TBXAS1: variants seen among roughly 807,000 people sequenced by gnomAD.
TBXAS1 encodes the protein thromboxane-A synthase.
Under a neutral mutation model 60.7 loss-of-function variants are expected in TBXAS1, and 48 were observed. The observed-to-expected ratio is 0.79, with a 90% CI of 0.63 to 1.01. The LOEUF (loss-of-function observed/expected upper bound fraction) is 1.01. Among genes scored for constraint, TBXAS1 ranks in the 50% least tolerant of loss-of-function variants. The pLI is 0.00. For missense variants in TBXAS1, 685 were observed against 686.3 expected, an observed-to-expected ratio of 1.00 and a Z score of 0.02; for synonymous variants, 287 against 269.7, an observed-to-expected ratio of 1.06 and a Z score of -0.63.
chr7:139,829,614 T>C, intron 1 of TBXAS1, 135 bp downstream of exon 1: 2 of 816,708 alleles, frequency 2.4e-6, no homozygotes, highest in Non-Finnish European at 4.0e-6. Flanking sequence ...TTAACACAGC[T>C]TCAGAATTAA....
rs145191347 is a variant in TBXAS1, at chr7:139,832,244, A to C, written c.89+2765A>C. On this transcript the variant is annotated intron_variant, in intron 1 of 12. Coordinates refer to ENST00000448866, the MANE Select transcript of TBXAS1 (RefSeq NM_001061.7). Reference sequence around the variant, plus strand: ...CCAATTTGAGTGGGAGAAATATTCAATGAAATAGATAGCTTAAAGAAAAAA... The same window carrying C: ...CCAATTTGAGTGGGAGAAATATTCACTGAAATAGATAGCTTAAAGAAAAAA... Among the ~76,000 whole-genome samples, 1,025 of 152,318 alleles carry C rather than the reference A, an allele frequency of 6.7e-3. 13 individuals carry two copies. The highest frequency in any genetic ancestry group is 0.024 in the African/African-American group (1,000 of 41,566).
intron 4 of TBXAS1, among the ~76,000 whole-genome samples, chr7:139,911,702 G>A (rs189265608): frequency 9.7e-4 from 148 of 152,324 alleles, no homozygotes; most frequent in Admixed American, 2.2e-3. Flanking sequence ...TGAGGTTCTT[G>A]CACTTACATC....
chr7:139,900,961 G>C (rs866697198), intron 3 of TBXAS1, among the ~76,000 whole-genome samples: 29 of 152,286 alleles, frequency 1.9e-4, no homozygotes, highest in Middle Eastern at 6.8e-3. Flanking sequence ...ATGCCTGGGT[G>C]GTGAGCCCAC....
intron 9 of TBXAS1, among the ~76,000 whole-genome samples, chr7:139,986,797 G>A (rs920490782): frequency 0.061 from 2,434 of 39,928 alleles, 29 homozygotes; most frequent in Non-Finnish European, 0.075. Context: ...GTGTGTGTGT[G>A]TGTATATATA....
At chr7:139,823,794 C>T (rs192674387) in intron 4 of TBXAS1, among the ~76,000 whole-genome samples, 58 of 152,286 alleles carry the variant, frequency 3.8e-4, no homozygotes, top group South Asian at 6.2e-4. Flanking sequence ...CTCTGAGCTC[C>T]GGTTTTATCA....
intron 9 of TBXAS1, among the ~76,000 whole-genome samples, chr7:139,988,388 A>G (rs561849541): frequency 1.1e-3 from 169 of 152,136 alleles, no homozygotes; most frequent in African/African-American, 4.0e-3. Context: ...CTGACCACAG[A>G]CTCACAGTCA....
intron 1 of TBXAS1, among the ~76,000 whole-genome samples, chr7:139,859,958 G>A (rs1049357457): frequency 3.9e-5 from 6 of 152,276 alleles, no homozygotes; most frequent in Middle Eastern, 3.4e-3. Context: ...GGCCAACATG[G>A]TAAAACCCTA....
chr7:139,850,984 C>T (rs762230128), intron 1 of TBXAS1, among the ~76,000 whole-genome samples: 9 of 152,144 alleles, frequency 5.9e-5, no homozygotes, highest in African/African-American at 9.7e-5. Flanking sequence ...TTTTAAGCCA[C>T]CCGGTTTGTG....
intron 1 of TBXAS1, among the ~76,000 whole-genome samples, chr7:139,838,268 T>C (rs910549432): frequency 6.6e-6 from 1 of 152,238 alleles, no homozygotes; most frequent in East Asian, 1.9e-4. Context: ...AAGTGTTTTC[T>C]GTTTCCAAAG....
At chr7:139,885,971 C>G (rs781329829) in intron 3 of TBXAS1, among the ~76,000 whole-genome samples, 1 of 152,200 alleles carries the variant, frequency 6.6e-6, no homozygotes, top group Non-Finnish European at 1.5e-5. Flanking sequence ...TAAACTGGAA[C>G]ATATTCTTCT....
chr7:139,782,214 T>G (rs553769797), intron 2 of TBXAS1, among the ~76,000 whole-genome samples: 1 of 152,158 alleles, frequency 6.6e-6, no homozygotes, highest in Non-Finnish European at 1.5e-5. Context: ...CTTTTTTTTT[T>G]TTTTAACAGT....
At chr7:139,832,366 G>T (rs1798764243) in intron 1 of TBXAS1, among the ~76,000 whole-genome samples, 1 of 151,840 alleles carries the variant, frequency 6.6e-6, no homozygotes, top group African/African-American at 2.4e-5. Flanking sequence ...GAAATTCAGA[G>T]CTCAAAGACA....
chr7:140,015,913 G>A (rs1338085567), intron 11 of TBXAS1, 53 bp downstream of exon 11: 1 of 1,610,954 alleles, frequency 6.2e-7, no homozygotes, highest in East Asian at 2.2e-5. Context: ...GTGTGGGATA[G>A]AAATTTACCA....
Position 139,981,241 on chromosome 7 carries a change from G to C in TBXAS1, c.1134+19008G>C, listed in dbSNP as rs537675614. Among the ~76,000 whole-genome samples the C allele has an allele frequency of 1.2e-4, 19 of 152,234 alleles. No individual in the cohort carries two copies. In the South Asian group the frequency reaches 3.7e-3, roughly 30 times the overall value. On this transcript the variant is annotated intron_variant, in intron 9 of 12. Transcript: ENST00000448866. ...TCCTGCCTCAGCCTCCTGAGTAGCTGGGATTACAGGCTTGTACCACCCATG... is the reference window on the plus strand; with the variant it reads ...TCCTGCCTCAGCCTCCTGAGTAGCTCGGATTACAGGCTTGTACCACCCATG...
At chr7:139,814,651 A>C (rs369100233) in intron 4 of TBXAS1, among the ~76,000 whole-genome samples, 6 of 152,272 alleles carry the variant, frequency 3.9e-5, no homozygotes, top group African/African-American at 1.4e-4. Flanking sequence ...TCTAGAGCTG[A>C]GCAACAAGAC....
intron 9 of TBXAS1, among the ~76,000 whole-genome samples, chr7:139,998,473 G>A (rs1465617782): frequency 2.0e-5 from 3 of 152,138 alleles, no homozygotes; most frequent in Non-Finnish European, 1.5e-5. Flanking sequence ...TTGAAGACCT[G>A]GATTCAGTTC....
At chr7:139,897,880 A>G (rs1023962629) in intron 3 of TBXAS1, among the ~76,000 whole-genome samples, 1 of 152,178 alleles carries the variant, frequency 6.6e-6, no homozygotes, top group African/African-American at 2.4e-5. Context: ...TGGCTCCTCA[A>G]GAAAACTCTC....
At chr7:139,854,405 A>T (rs1483844758) in intron 1 of TBXAS1, among the ~76,000 whole-genome samples, 1 of 152,126 alleles carries the variant, frequency 6.6e-6, no homozygotes, top group Non-Finnish European at 1.5e-5. Context: ...TTAGTGCTTG[A>T]ACTGAAAGTG....
At chr7:140,011,708 G>A (rs555411389) in intron 10 of TBXAS1, among the ~76,000 whole-genome samples, 5 of 152,244 alleles carry the variant, frequency 3.3e-5, no homozygotes, top group Admixed American at 1.3e-4. Flanking sequence ...GTGTTTAAGG[G>A]ATCCAGAATT....
Sources: gnomAD v4.1 joint callset for allele counts (sites outside exome capture counted in the v4.1 genomes callset) on GRCh38, gnomAD v4.1.1 for gene constraint, MANE v1.5 for transcripts, NCBI Gene and HGNC (gene_info 2026-07-23, HGNC 2026-07-21) for gene names.